Variants in PITPNM2 observed in about 807,000 individuals in gnomAD.
PITPNM2 encodes phosphatidylinositol transfer protein membrane associated 2.
A neutral mutation model predicts 132.2 loss-of-function variants in PITPNM2; 35 were observed. The observed-to-expected ratio is 0.26, with a 90% CI of 0.20 to 0.35. PITPNM2 has a LOEUF of 0.35. Among genes scored for constraint, PITPNM2 ranks in the 10% least tolerant of loss-of-function variants. The pLI is 1.00. For synonymous variants in PITPNM2, 738 were observed against 799.2 expected (o/e 0.92, Z 1.29); for missense variants, 1,332 against 1,912.0 (o/e 0.70, Z 5.66).
chr12:123,030,730 T>C (rs1350381318), intron 3 of PITPNM2, among the ~76,000 whole-genome samples: 3 of 151,578 alleles, frequency 2.0e-5, no homozygotes, highest in African/African-American at 7.3e-5. Flanking sequence ...TGTATGCTAA[T>C]GTCAACCCAA....
intron 19 of PITPNM2, 43 bp from the exon 20 acceptor site, chr12:122,988,393 C>A: frequency 6.5e-7 from 1 of 1,549,418 alleles, no homozygotes; most frequent in Non-Finnish European, 8.9e-7. Flanking sequence ...AGATGCCACC[C>A]GGGGGCTTCC....
intron 2 of PITPNM2, among the ~76,000 whole-genome samples, chr12:123,062,990 A>G (rs1175804235): frequency 6.6e-6 from 1 of 152,254 alleles, no homozygotes; most frequent in African/African-American, 2.4e-5. Context: ...CACACACGAA[A>G]GCAAATGTGC....
chr12:123,036,642 G>C lies in PITPNM2; in HGVS notation c.-95-1957C>G, dbSNP rs1400757524. On this transcript the variant is annotated intron_variant, in intron 2 of 25. Transcript: ENST00000320201. This position sits in a 1 kb window ranked among gnomAD's most constrained non-coding sequence, Gnocchi z 4.1. ...CAGAAACTGCACCCAACATCTGCTG[G>C]CTGTAGATAAGATAACCCTGGATCC... 6.6e-6 allele frequency among the ~76,000 whole-genome samples: 1 copy of C among 152,198 alleles called. No homozygotes were observed. Among genetic ancestry groups the C allele is most frequent in the Non-Finnish European group, 1.5e-5 (1 of 68,040 alleles).
intron 1 of PITPNM2, among the ~76,000 whole-genome samples, chr12:123,116,350 A>T (rs951036914): frequency 6.6e-6 from 1 of 152,162 alleles, no homozygotes; most frequent in African/African-American, 2.4e-5. Context: ...TGTTAGCCTT[A>T]AAAAAGACAG....
chr12:123,039,322 T>C (rs2136512493), intron 2 of PITPNM2, among the ~76,000 whole-genome samples: 1 of 152,184 alleles, frequency 6.6e-6, no homozygotes, highest in East Asian at 1.9e-4. Context: ...GAAATCCAAC[T>C]AACCAAAAAG....
chr12:123,007,785 T>C (rs1459747998), intron 6 of PITPNM2, among the ~76,000 whole-genome samples: 1 of 152,088 alleles, frequency 6.6e-6, no homozygotes, highest in African/African-American at 2.4e-5. Context: ...TGCCTCCTCC[T>C]GGGGTGACCG....
rs561435431 is a variant in PITPNM2 at position 123,078,106 on chromosome 12, G to A, written c.-96+32279C>T. Among the ~76,000 whole-genome samples, 1 of 152,216 alleles carries A rather than the reference G, an allele frequency of 6.6e-6. No individual in the cohort carries two copies. Among genetic ancestry groups the A allele is most frequent in the South Asian group, 2.1e-4 (1 of 4,822 alleles). ...CGGAGAGGAAGGGGTGGGGAGCGGA[G>A]AGGGAGGGCGGGAAGGAGGGAGAAT... is the stretch of plus-strand genomic sequence containing the variant. On this transcript the variant is annotated intron_variant, in intron 2 of 25. Transcript: ENST00000320201. This position sits in a 1 kb window ranked among gnomAD's most constrained non-coding sequence, Gnocchi z 7.3.
chr12:123,036,594 G>T lies in PITPNM2; in HGVS notation c.-95-1909C>A, dbSNP rs2040276169. ...AGTGAAGCTCTTTTTTAGCCGATTA[G>T]AGCCTAGATACTTTATATACCCCAG... On this transcript the variant is annotated intron_variant, in intron 2 of 25. Transcript: ENST00000320201. The surrounding 1 kb of genome is among the most constrained non-coding windows in gnomAD (Gnocchi z 4.1). Among the ~76,000 whole-genome samples, 1 of 152,192 alleles carries T rather than the reference G, an allele frequency of 6.6e-6. No homozygotes were observed. The highest frequency in any genetic ancestry group is 1.5e-5 in the Non-Finnish European group (1 of 68,044).
rs1233386323 is a variant in PITPNM2, at chr12:123,095,402, G to GCA, written c.-96+14981_-96+14982dup. On this transcript the variant is annotated intron_variant, in intron 2 of 25. Coordinates refer to ENST00000320201, the MANE Select transcript of PITPNM2 (RefSeq NM_020845.3). The surrounding 1 kb of genome is among the most constrained non-coding windows in gnomAD (Gnocchi z 5.0). ...TTAGAAACAATCATTTCTTGGGCGT[G>GCA]CACCCACATGTGTACATCTCGATTT... Among the ~76,000 whole-genome samples the GCA allele has an allele frequency of 1.3e-5, 2 of 152,194 alleles. No homozygotes were observed. The highest frequency in any genetic ancestry group is 4.8e-5 in the African/African-American group (2 of 41,444).
At chr12:123,145,462 C>T (rs970716814) in intron 1 of PITPNM2, among the ~76,000 whole-genome samples, 3 of 152,202 alleles carry the variant, frequency 2.0e-5, no homozygotes, top group African/African-American at 7.2e-5. Context: ...CGTCCCTGAT[C>T]ATGACCTCTG....
intron 1 of PITPNM2, among the ~76,000 whole-genome samples, chr12:123,112,538 CTTTT>C (rs113732529): frequency 1.4e-5 from 2 of 140,082 alleles, no homozygotes; most frequent in African/African-American, 2.6e-5. Context: ...CTTCAATATA[CTTTT>C]TTTTTTTTTT....
At chr12:123,027,850 G>T (rs1237505551) in intron 3 of PITPNM2, among the ~76,000 whole-genome samples, 1 of 152,236 alleles carries the variant, frequency 6.6e-6, no homozygotes, top group African/African-American at 2.4e-5. Context: ...CTGACCTCTG[G>T]CTCCCCACCA....
chr12:123,000,544 G>T lies in PITPNM2; in HGVS notation c.1224+234C>A. The stretch of plus-strand genomic sequence containing the variant: ...GAGCTTGGATAAGGCTTTCTCAGGG[G>T]TTGTCTGTAGTCCCTGGTTCTCGGG... On this transcript the variant is annotated intron_variant, in intron 10 of 25. Coordinates refer to ENST00000320201, the MANE Select transcript of PITPNM2 (RefSeq NM_020845.3). This position sits in a 1 kb window ranked among gnomAD's most constrained non-coding sequence, Gnocchi z 5.4. 4.4e-6 allele frequency: 3 copies of T among 687,766 alleles called. No individual in the cohort carries two copies. In the Admixed American group the frequency reaches 6.3e-5, roughly 14 times the overall value. 42.6% of individuals were successfully genotyped at this position (687,766 alleles called of 1,614,324 possible).
At chr12:123,003,014 C>G (rs763240761) in intron 8 of PITPNM2, among the ~76,000 whole-genome samples, 1 of 152,196 alleles carries the variant, frequency 6.6e-6, no homozygotes, top group Non-Finnish European at 1.5e-5. Context: ...GCTGGGATTA[C>G]AGGTGTGAGC....
At chr12:123,018,122 G>A (rs2039515823) in intron 3 of PITPNM2, among the ~76,000 whole-genome samples, 1 of 148,524 alleles carries the variant, frequency 6.7e-6, no homozygotes, top group Admixed American at 6.7e-5. Context: ...CAGGCTGGAG[G>A]GCACTGGCAT....
At chr12:122,987,453 A>G in intron 22 of PITPNM2, 23 bp from the exon 23 acceptor site, 2 of 1,613,192 alleles carry the variant, frequency 1.2e-6, no homozygotes, top group Non-Finnish European at 1.7e-6. Context: ...GGGGGTGCTC[A>G]TCAGAACCAC....
At chr12:123,010,871 G>A (rs147176844) in intron 5 of PITPNM2, 1 of 153,608 alleles carries the variant, frequency 6.5e-6, no homozygotes, top group Non-Finnish European at 1.5e-5. Flanking sequence ...AGGCCTACAG[G>A]GGGTGTCTGG....
intron 8 of PITPNM2, among the ~76,000 whole-genome samples, chr12:123,001,373 T>C (rs2038670137): frequency 1.3e-5 from 2 of 152,196 alleles, no homozygotes; most frequent in South Asian, 4.1e-4. Context: ...GCATTTAGTA[T>C]ATTCACAGTG....
chr12:123,119,968 C>T (rs1036824723), intron 1 of PITPNM2, among the ~76,000 whole-genome samples: 2 of 152,144 alleles, frequency 1.3e-5, no homozygotes, highest in South Asian at 2.1e-4. Flanking sequence ...AGCAACCATA[C>T]TGCCCTGTGA....
Sources: gnomAD v4.1 joint callset for allele counts (sites outside exome capture counted in the v4.1 genomes callset) on GRCh38, gnomAD v4.1.1 for gene constraint, Gnocchi (gnomAD v3.1) non-coding constraint, MANE v1.5 for transcripts, NCBI Gene and HGNC (gene_info 2026-07-23, HGNC 2026-07-21) for gene names.